The following CPD variants were observed in gnomAD, a reference collection of about 807,000 sequenced individuals.
The protein encoded by CPD is carboxypeptidase D, also known as metallocarboxypeptidase D.
Under a neutral mutation model 138.3 loss-of-function variants are expected in CPD, and 69 were observed. The ratio of observed to expected loss-of-function variants is 0.50; its 90% CI spans 0.41 to 0.61. The LOEUF is 0.61. Among genes scored for constraint, CPD ranks in the 20% least tolerant of loss-of-function variants. The pLI is 0.00. For synonymous variants in CPD, 651 were observed against 642.1 expected, an observed-to-expected ratio of 1.01 and a Z score of -0.21; for missense variants, 1,432 against 1,733.3, an observed-to-expected ratio of 0.83 and a Z score of 3.09.
chr17:30,423,134 G>A, intron 5 of CPD, 111 bp downstream of exon 5: 1 of 771,918 alleles, frequency 1.3e-6, no homozygotes. Context: ...CTGGCATTAA[G>A]AAAACCTAAC....
At chr17:30,407,264 C>T (rs151037861) in intron 2 of CPD, among the ~76,000 whole-genome samples, 114 of 152,168 alleles carry the variant, frequency 7.5e-4, no homozygotes, top group African/African-American at 2.7e-3. Context: ...TGAATAGTGC[C>T]GCAATAAACA....
intron 2 of CPD, among the ~76,000 whole-genome samples, chr17:30,405,353 C>G (rs1911777336): frequency 6.6e-6 from 1 of 152,114 alleles, no homozygotes; most frequent in Non-Finnish European, 1.5e-5. Context: ...ATATTTACCC[C>G]TTTATCTGTA....
intron 2 of CPD, among the ~76,000 whole-genome samples, chr17:30,417,129 C>T (rs892338382): frequency 1.3e-5 from 2 of 151,750 alleles, no homozygotes; most frequent in African/African-American, 4.8e-5. Flanking sequence ...CTGCATAGCA[C>T]TTCTCACTAT....
At chr17:30,394,822 T>C (rs1295860656) in intron 2 of CPD, among the ~76,000 whole-genome samples, 1 of 152,018 alleles carries the variant, frequency 6.6e-6, no homozygotes, top group Non-Finnish European at 1.5e-5. Flanking sequence ...ATTTTGAGCT[T>C]GGATTAGAAA....
At chr17:30,398,458 C>T (rs1360373435) in intron 2 of CPD, among the ~76,000 whole-genome samples, 1 of 152,068 alleles carries the variant, frequency 6.6e-6, no homozygotes, top group African/African-American at 2.4e-5. Context: ...CTTTGTTGAG[C>T]CAAATGACAT....
Position 30,421,810 on chromosome 17 carries a change from C to A in CPD, c.1284C>A (p.Tyr428Ter). Residue 428 changes from tyrosine to a stop codon, truncating the protein, a stop_gained, in exon 4 of 21, where the codon TAC (tyrosine) becomes TAA (stop). Coordinates refer to ENST00000225719, the MANE Select transcript of CPD (RefSeq NM_001304.5). LOFTEE classifies it high-confidence loss of function. ...DFYRLLVPGT[Y>*]NLTVVLTGYM... Reference sequence around the variant, plus strand: ...ACCGATTACTTGTTCCTGGAACTTACAACCTTACAGTAGTTTTAACTGGGT... The same window carrying A: ...ACCGATTACTTGTTCCTGGAACTTAAAACCTTACAGTAGTTTTAACTGGGT... 1 of 1,613,352 alleles carries A rather than the reference C, an allele frequency of 6.2e-7. No individual in the cohort carries two copies. Among genetic ancestry groups the A allele is most frequent in the East Asian group, 2.2e-5 (1 of 44,850 alleles).
At chr17:30,393,395 A>G (rs1173059775) in intron 2 of CPD, among the ~76,000 whole-genome samples, 1 of 152,224 alleles carries the variant, frequency 6.6e-6, no homozygotes, top group Non-Finnish European at 1.5e-5. Flanking sequence ...TTTGAGGAGT[A>G]TTTTCTGTGT....
At chr17:30,456,026 A>G (rs1001673988) in intron 15 of CPD, 1 of 500,240 alleles carries the variant, frequency 2.0e-6, no homozygotes, top group African/African-American at 1.9e-5. Flanking sequence ...TTTTAGTGTG[A>G]TAGTCTGTTG....
At chr17:30,444,323 A>G (rs532558500) in intron 11 of CPD, among the ~76,000 whole-genome samples, 1 of 152,310 alleles carries the variant, frequency 6.6e-6, no homozygotes, top group African/African-American at 2.4e-5. Context: ...GTAATTCTAC[A>G]GTCAGTTCCA....
rs772304396 is a variant in CPD at position 30,442,384 on chromosome 17, A to C, written c.2307A>C (p.Pro769=). 1 of 1,613,560 alleles carries C rather than the reference A, an allele frequency of 6.2e-7. No individual in the cohort carries two copies. Among genetic ancestry groups the C allele is most frequent in the Non-Finnish European group, 8.5e-7 (1 of 1,179,636 alleles). ...TTGAACTAGGTTGTGTGAAATATCC[A>C]CTTGAGAAAGAGCTGCCAAACTTTT... is the stretch of plus-strand genomic sequence containing the variant. The part of the protein sequence containing the change: ...VTIELGCVKY[P]LEKELPNFWE... The change falls in exon 10 of 21, where the codon CCA becomes CCC. Residue 769 remains proline (P), a synonymous_variant. Transcript: ENST00000225719.
At chr17:30,442,624 T>C (rs1912908723) in intron 10 of CPD, among the ~76,000 whole-genome samples, 174 bp downstream of exon 10, 1 of 152,150 alleles carries the variant, frequency 6.6e-6, no homozygotes, top group Non-Finnish European at 1.5e-5. Flanking sequence ...TCTAGAAAAT[T>C]CGTGAATGGA....
chr17:30,392,954 CAGCTGCCATAA>C (rs1163192943), intron 2 of CPD, among the ~76,000 whole-genome samples: 2 of 152,190 alleles, frequency 1.3e-5, no homozygotes, highest in Non-Finnish European at 2.9e-5. Flanking sequence ...TTAGTTAGGA[CAGCTGCCATAA>C]AGCTTTATAT....
In CPD at chr17:30,421,959, T is replaced by G; in HGVS notation, c.1307+126T>G. ...GCTTTTATTTTTCCTTATTTTCTGA[T>G]TTTTCTCGTTTTATAATAAGAAAAT... On this transcript the variant is annotated intron_variant, in intron 4 of 20. Coordinates refer to ENST00000225719, the MANE Select transcript of CPD (RefSeq NM_001304.5). 3 of 753,142 alleles carry G rather than the reference T, an allele frequency of 4.0e-6. No homozygotes were observed. The South Asian group carries it at 6.7e-5, about 17-fold the overall frequency. The allele number at this position is 753,142 out of a possible 1,614,324, so 46.7% of individuals were successfully genotyped here. A position where few individuals can be genotyped will look rare whatever the true frequency, so the allele number is the denominator to read the frequency against.
In CPD at chr17:30,464,698, G is replaced by A; in HGVS notation, c.4027G>A (p.Glu1343Lys). The A allele has an allele frequency of 6.2e-7, 1 of 1,614,016 alleles. No homozygotes were observed. The highest frequency in any genetic ancestry group is 2.2e-5 in the East Asian group (1 of 44,882). The change falls in exon 21 of 21, where the codon GAG becomes AAG. Residue 1343 changes from glutamate (E) to lysine (K), a missense_variant. Physicochemically the swap from Glu to Lys is moderately conservative, Grantham distance 56 (BLOSUM62 1). This residue lies in a region of CPD where 366 missense variants were observed against 518.8 expected (regional missense o/e 0.71). Coordinates refer to ENST00000225719, the MANE Select transcript of CPD (RefSeq NM_001304.5). ...TCATCGGCTCAGGCAGCATCATGAT[G>A]AGTATGAAGATGAAATTCGCATGAT... The part of the protein sequence containing the change: ...GFHRLRQHHD[E>K]YEDEIRMMST...
intron 12 of CPD, 30 bp downstream of exon 12, chr17:30,446,050 T>C: frequency 6.6e-7 from 1 of 1,510,362 alleles, no homozygotes; most frequent in Non-Finnish European, 9.0e-7. Context: ...GTCTTTTTTT[T>C]TTTTTCAAGA....
chr17:30,447,250 C>A (rs924687122), intron 12 of CPD, among the ~76,000 whole-genome samples: 2 of 152,108 alleles, frequency 1.3e-5, no homozygotes, highest in African/African-American at 4.8e-5. Context: ...AGTTCTTGCC[C>A]ATGCCTATGT....
At chr17:30,400,148 G>A (rs1390927634) in intron 2 of CPD, among the ~76,000 whole-genome samples, 1 of 152,030 alleles carries the variant, frequency 6.6e-6, no homozygotes, top group Non-Finnish European at 1.5e-5. Context: ...TTGGATTTAG[G>A]TCTACTTTCT....
chr17:30,438,004 T>A (rs1912752219), intron 8 of CPD, among the ~76,000 whole-genome samples: 1 of 140,796 alleles, frequency 7.1e-6, no homozygotes, highest in Non-Finnish European at 1.6e-5. Context: ...GTGTGGCTTT[T>A]TTTTTTTTTT....
At chr17:30,464,110 G>T (rs755276770) in intron 20 of CPD, among the ~76,000 whole-genome samples, 4 of 152,106 alleles carry the variant, frequency 2.6e-5, no homozygotes, top group Non-Finnish European at 4.4e-5. Context: ...AAGATCTGGA[G>T]CCAGGCATGG....
Sources: gnomAD v4.1 joint callset for allele counts (sites outside exome capture counted in the v4.1 genomes callset) on GRCh38, gnomAD v4.1.1 for gene constraint, gnomAD v4.1.1 regional missense constraint, MANE v1.5 for transcripts, NCBI Gene and HGNC (gene_info 2026-07-23, HGNC 2026-07-21) for gene names.